The following LZTFL1 variants were observed in gnomAD, a reference collection of about 807,000 sequenced individuals.
LZTFL1 encodes leucine zipper transcription factor like 1, also known as leucine zipper transcription factor-like protein 1.
A neutral mutation model predicts 45.9 loss-of-function variants in LZTFL1; 25 were observed. That is an observed-to-expected ratio of 0.54 (90% CI 0.40 to 0.76). The LOEUF (loss-of-function observed/expected upper bound fraction) is 0.76. LZTFL1 is among the 30% of genes least tolerant of loss of function. LZTFL1 has a pLI of 0.00. For missense variants in LZTFL1, 277 were observed against 331.1 expected (o/e 0.84, Z 1.27); for synonymous variants, 93 against 117.4 (o/e 0.79, Z 1.35).
chr3:45,889,897 T>C (rs1047672618), intron 2 of LZTFL1, among the ~76,000 whole-genome samples: 7 of 151,774 alleles, frequency 4.6e-5, no homozygotes, highest in African/African-American at 9.7e-5. Context: ...TATATCCCTA[T>C]ACCTGGACCC....
At chr3:45,882,372 G>T (rs1279237793) in intron 2 of LZTFL1, among the ~76,000 whole-genome samples, 1 of 152,146 alleles carries the variant, frequency 6.6e-6, no homozygotes, top group Non-Finnish European at 1.5e-5. Flanking sequence ...TCAAGATAAG[G>T]CGTTAATCAA....
At chr3:45,858,397 G>C (rs1309619551) in intron 3 of LZTFL1, among the ~76,000 whole-genome samples, 1 of 152,200 alleles carries the variant, frequency 6.6e-6, no homozygotes, top group African/African-American at 2.4e-5. Flanking sequence ...CTAGTGTACA[G>C]GAATGCTGGG....
intron 2 of LZTFL1, among the ~76,000 whole-genome samples, chr3:45,909,824 G>A (rs1463785401): frequency 6.6e-6 from 1 of 152,228 alleles, no homozygotes; most frequent in Admixed American, 6.5e-5. Flanking sequence ...GCCGCAGTGA[G>A]CTCCAGGGTT....
At chr3:45,863,845 T>C (rs1701535148) in intron 2 of LZTFL1, among the ~76,000 whole-genome samples, 1 of 152,154 alleles carries the variant, frequency 6.6e-6, no homozygotes, top group Non-Finnish European at 1.5e-5. Context: ...TGGTCCAGGA[T>C]TGGTTCCTCG....
In LZTFL1 at chr3:45,834,262, T is replaced by C. The variant is rs1360632468; in HGVS notation, c.360A>G (p.Ala120=). Residue 120 remains alanine, a synonymous_variant, in exon 4 of 10, where the codon GCA becomes GCG. Coordinates refer to ENST00000296135, the MANE Select transcript of LZTFL1 (RefSeq NM_020347.4). The part of the protein sequence containing the change: ...LLEQVAEFEK[A]EITSSNKKPI... ...CCTTTTTGTTTGAAGATGTAATCTC[T>C]GCTTTTTCAAATTCTGCAACTTGTT... The C allele has an allele frequency of 2.5e-6, 4 of 1,596,402 alleles. No homozygotes were observed. The Admixed American group carries it at 6.7e-5, about 27-fold the overall frequency.
rs1465013898 is a variant in LZTFL1 at position 45,823,428 on chromosome 3, C to T, written c.*2886G>A. Reference sequence around the variant, plus strand: ...AATGTAAGAGATTGAGTACTGTTCACATCAATTCATGTTTTACAATAGGCA... The same window carrying T: ...AATGTAAGAGATTGAGTACTGTTCATATCAATTCATGTTTTACAATAGGCA... On this transcript the variant is annotated 3_prime_UTR_variant, in exon 10 of 10. Transcript: ENST00000296135. The T allele has an allele frequency of 6.6e-6, 1 of 152,102 alleles. No individual in the cohort carries two copies. Among genetic ancestry groups the T allele is most frequent in the Admixed American group, 6.6e-5 (1 of 15,264 alleles). The allele number at this position is 152,102 out of a possible 1,614,324, so 9.4% of individuals were successfully genotyped here.
intron 6 of LZTFL1, 34 bp from the exon 7 acceptor site, chr3:45,831,024 T>A (rs1351296510): frequency 1.2e-6 from 2 of 1,608,456 alleles, no homozygotes; most frequent in East Asian, 4.5e-5. Flanking sequence ...ACTTTCAGTA[T>A]TTAATCTGTA....
At chr3:45,884,005 C>A in intron 2 of LZTFL1, 1 of 273,002 alleles carries the variant, frequency 3.7e-6, no homozygotes, top group South Asian at 6.9e-5. Context: ...TAGGTTGGGT[C>A]CTGAAGAAAT....
At chr3:45,899,680 G>A (rs934249483) in intron 2 of LZTFL1, among the ~76,000 whole-genome samples, 1 of 152,176 alleles carries the variant, frequency 6.6e-6, no homozygotes, top group African/African-American at 2.4e-5. Context: ...AAGGAAACTG[G>A]TGGGAAGTGA....
At chr3:45,852,173 C>T (rs1379507373) in intron 4 of LZTFL1, among the ~76,000 whole-genome samples, 1 of 152,150 alleles carries the variant, frequency 6.6e-6, no homozygotes, top group African/African-American at 2.4e-5. Context: ...TATTAACACT[C>T]AGTAGTGTCT....
chr3:45,834,161 C>A (rs1700905376), intron 4 of LZTFL1, 77 bp downstream of exon 4: 1 of 785,804 alleles, frequency 1.3e-6, no homozygotes, highest in Non-Finnish European at 2.1e-6. Flanking sequence ...CAGTTTTGAT[C>A]TCTGAATTCT....
At chr3:45,837,024 T>C (rs1700983560) in intron 2 of LZTFL1, among the ~76,000 whole-genome samples, 1 of 152,194 alleles carries the variant, frequency 6.6e-6, no homozygotes, top group Non-Finnish European at 1.5e-5. Flanking sequence ...AGCTTTATTT[T>C]CTTCCCTACT....
intron 2 of LZTFL1, among the ~76,000 whole-genome samples, chr3:45,869,633 T>C (rs1244835741): frequency 6.6e-6 from 1 of 152,122 alleles, no homozygotes; most frequent in Non-Finnish European, 1.5e-5. Flanking sequence ...GTACCCCTCC[T>C]TTGTGGAAGG....
chr3:45,897,614 C>T, intron 2 of LZTFL1: 1 of 1,535,496 alleles, frequency 6.5e-7, no homozygotes, highest in Non-Finnish European at 8.7e-7. Flanking sequence ...AGGAATCCAT[C>T]TCCTTCCAGG....
intron 2 of LZTFL1, among the ~76,000 whole-genome samples, chr3:45,861,138 G>A (rs1260043344): frequency 6.6e-6 from 1 of 150,956 alleles, no homozygotes; most frequent in East Asian, 1.9e-4. Flanking sequence ...TTTATTCCAA[G>A]CCTGCCTAGT....
Position 45,828,537 on chromosome 3 carries a change from T to C in LZTFL1, c.679A>G (p.Asn227Asp), listed in dbSNP as rs376002029. 49 of 1,614,092 alleles carry C rather than the reference T, an allele frequency of 3.0e-5. No homozygotes were observed. The highest frequency in any genetic ancestry group is 3.9e-5 in the Non-Finnish European group (46 of 1,180,014). ...GACTTCTGGTTTTCTGTCTTGTCATTAAGTGTCTTCTGAAACTCACTCTTT... is the reference window on the plus strand; with the variant it reads ...GACTTCTGGTTTTCTGTCTTGTCATCAAGTGTCTTCTGAAACTCACTCTTT... ...ALKSEFQKTL[N>D]DKTENQKSLE... Residue 227 changes from asparagine to aspartate, a missense_variant, in exon 8 of 10, where the codon AAT (asparagine) becomes GAT (aspartate). Transcript: ENST00000296135.
chr3:45,839,323 C>T (rs193222773), intron 1 of LZTFL1, among the ~76,000 whole-genome samples: 40 of 152,196 alleles, frequency 2.6e-4, no homozygotes, highest in African/African-American at 6.0e-4. Context: ...CTCCTGACCT[C>T]GTGATCCACC....
At chr3:45,841,200 G>A (rs1559406361) in intron 1 of LZTFL1, among the ~76,000 whole-genome samples, 1 of 152,198 alleles carries the variant, frequency 6.6e-6, no homozygotes. Context: ...ACAGCGCTTG[G>A]AACACAGTGT....
intron 2 of LZTFL1, among the ~76,000 whole-genome samples, chr3:45,880,505 A>G (rs1047580038): frequency 1.3e-5 from 2 of 152,132 alleles, no homozygotes; most frequent in Non-Finnish European, 2.9e-5. Context: ...CCATCTCAAA[A>G]AAAAAGGAAA....
Sources: allele counts gnomAD v4.1 joint callset (sites outside exome capture counted in the v4.1 genomes callset), GRCh38; gene constraint gnomAD v4.1.1; transcripts MANE v1.5; gene names NCBI Gene and HGNC (gene_info 2026-07-23, HGNC 2026-07-21).